The following ZRANB3 variants were observed in gnomAD, a reference collection of about 807,000 sequenced individuals.
ZRANB3 encodes the protein DNA annealing helicase and endonuclease ZRANB3.
Under a neutral mutation model 133.8 loss-of-function variants are expected in ZRANB3, and 125 were observed. That is an observed-to-expected ratio of 0.93 (90% CI 0.81 to 1.08). ZRANB3 has a LOEUF of 1.08. Ranked by LOEUF, ZRANB3 falls within the 50% of genes least tolerant of loss-of-function variation. The probability of loss-of-function intolerance (pLI) is 0.00; values close to 1 mark genes in which losing one functional copy is unlikely to be tolerated. For missense variants in ZRANB3, 1,229 were observed against 1,275.5 expected (o/e 0.96, Z 0.56); for synonymous variants, 387 against 432.7 (o/e 0.89, Z 1.31).
chr2:135,419,888 C>T (rs377582634), intron 2 of ZRANB3, among the ~76,000 whole-genome samples: 10 of 151,570 alleles, frequency 6.6e-5, no homozygotes, highest in East Asian at 5.8e-4. Context: ...GTCTAAGAAT[C>T]CTCCCTTAAC....
chr2:135,299,417 G>A (rs1682326385), intron 8 of ZRANB3, among the ~76,000 whole-genome samples: 1 of 152,110 alleles, frequency 6.6e-6, no homozygotes, highest in Admixed American at 6.6e-5. Context: ...AGCCTCCCCT[G>A]CTCTGCCTAT....
chr2:135,338,800 G>A (rs1684492260), intron 6 of ZRANB3, among the ~76,000 whole-genome samples: 1 of 152,140 alleles, frequency 6.6e-6, no homozygotes, highest in South Asian at 2.1e-4. Flanking sequence ...GCATATGTGT[G>A]TATGTGTATA....
At chr2:135,294,398 A>G (rs1681924861) in intron 8 of ZRANB3, among the ~76,000 whole-genome samples, 1 of 152,154 alleles carries the variant, frequency 6.6e-6, no homozygotes, top group Non-Finnish European at 1.5e-5. Flanking sequence ...TGTTTATAGT[A>G]TTCTCTGATG....
chr2:135,279,725 T>C (rs1681009503), intron 8 of ZRANB3, among the ~76,000 whole-genome samples: 1 of 152,162 alleles, frequency 6.6e-6, no homozygotes, highest in African/African-American at 2.4e-5. Flanking sequence ...CAAGCCCCCC[T>C]TTTCCCACTC....
At chr2:135,498,601 G>T (rs1338970127) in intron 2 of ZRANB3, among the ~76,000 whole-genome samples, 1 of 152,184 alleles carries the variant, frequency 6.6e-6, no homozygotes, top group Non-Finnish European at 1.5e-5. Context: ...GGGAACAAGA[G>T]AGATAACCAT....
chr2:135,381,638 G>C (rs147683510), intron 3 of ZRANB3, among the ~76,000 whole-genome samples: 54 of 152,288 alleles, frequency 3.5e-4, no homozygotes, highest in African/African-American at 1.2e-3. Context: ...GTATCCCTCA[G>C]AGATGAAACT....
intron 2 of ZRANB3, among the ~76,000 whole-genome samples, chr2:135,497,207 A>G (rs1692711813): frequency 6.6e-6 from 1 of 152,246 alleles, no homozygotes; most frequent in Admixed American, 6.5e-5. Context: ...CTCCATTCAC[A>G]AATCCAGCAC....
At chr2:135,346,663 A>G (rs1684945348) in intron 5 of ZRANB3, among the ~76,000 whole-genome samples, 1 of 152,152 alleles carries the variant, frequency 6.6e-6, no homozygotes, top group East Asian at 1.9e-4. Flanking sequence ...CCCAGTAAGA[A>G]GATTATCCCA....
intron 2 of ZRANB3, among the ~76,000 whole-genome samples, chr2:135,429,738 CG>C (rs1427444016): frequency 6.6e-6 from 1 of 151,934 alleles, no homozygotes. Flanking sequence ...ATACGGGAAA[CG>C]GTAGAGAGAA....
chr2:135,441,311 G>A (rs184352442), intron 2 of ZRANB3, among the ~76,000 whole-genome samples: 1 of 152,180 alleles, frequency 6.6e-6, no homozygotes, highest in Admixed American at 6.5e-5. Flanking sequence ...GAGGCAAGAG[G>A]GCAACCGAAT....
At chr2:135,377,198 G>A (rs1686468633) in intron 3 of ZRANB3, among the ~76,000 whole-genome samples, 1 of 152,182 alleles carries the variant, frequency 6.6e-6, no homozygotes, top group Non-Finnish European at 1.5e-5. Context: ...CAATGTGTGT[G>A]TACAGCATCT....
At chr2:135,404,755 C>A (rs531267935) in intron 2 of ZRANB3, among the ~76,000 whole-genome samples, 1 of 152,144 alleles carries the variant, frequency 6.6e-6, no homozygotes, top group African/African-American at 2.4e-5. Context: ...GCGGATCTCT[C>A]GGCAGAAACT....
At chr2:135,462,162 C>T (rs1690791185) in intron 2 of ZRANB3, among the ~76,000 whole-genome samples, 1 of 152,036 alleles carries the variant, frequency 6.6e-6, no homozygotes, top group African/African-American at 2.4e-5. Flanking sequence ...ACTGCTGTAC[C>T]ACAAATAAAA....
chr2:135,526,245 C>A (rs912487171), intron 1 of ZRANB3, among the ~76,000 whole-genome samples: 1 of 149,042 alleles, frequency 6.7e-6, no homozygotes, highest in South Asian at 2.1e-4. Context: ...CTCACCGCAA[C>A]CTCCACCTCC....
At chr2:135,311,889 G>A (rs1445228106) in intron 8 of ZRANB3, among the ~76,000 whole-genome samples, 1 of 152,112 alleles carries the variant, frequency 6.6e-6, no homozygotes, top group Non-Finnish European at 1.5e-5. Flanking sequence ...CCAGACACAA[G>A]GCTACATGCT....
At chr2:135,212,233 T>C (rs1301417469) in intron 17 of ZRANB3, among the ~76,000 whole-genome samples, 1 of 152,194 alleles carries the variant, frequency 6.6e-6, no homozygotes, top group Non-Finnish European at 1.5e-5. Flanking sequence ...GTTTTAGAGT[T>C]CTTTTACTTG....
intron 12 of ZRANB3, among the ~76,000 whole-genome samples, chr2:135,249,375 G>T (rs1679258725): frequency 6.6e-6 from 1 of 152,176 alleles, no homozygotes; most frequent in Non-Finnish European, 1.5e-5. Flanking sequence ...GTTAACTGAA[G>T]AAAAAGTGGT....
chr2:135,434,393 G>C (rs897579721), intron 2 of ZRANB3, among the ~76,000 whole-genome samples: 1 of 152,200 alleles, frequency 6.6e-6, no homozygotes, highest in African/African-American at 2.4e-5. Flanking sequence ...TGCAAAGGCT[G>C]AAGAAGTAAA....
At chr2:135,305,734 G>A (rs2104814048) in intron 8 of ZRANB3, among the ~76,000 whole-genome samples, 1 of 152,148 alleles carries the variant, frequency 6.6e-6, no homozygotes, top group African/African-American at 2.4e-5. Flanking sequence ...TCCAGGTGTA[G>A]GGCTCCTTTA....
Sources: gnomAD v4.1 joint callset for allele counts (sites outside exome capture counted in the v4.1 genomes callset) on GRCh38, gnomAD v4.1.1 for gene constraint, MANE v1.5 for transcripts, NCBI Gene and HGNC (gene_info 2026-07-23, HGNC 2026-07-21) for gene names.